Variants in SLC41A3 observed in about 807,000 individuals in gnomAD.
The protein encoded by SLC41A3 is solute carrier family 41 member 3, also known as SLC41A1-like 2.
In SLC41A3, 44 loss-of-function variants were observed where a neutral mutation model predicts 45.4. The ratio of observed to expected loss-of-function variants is 0.97; its 90% CI spans 0.76 to 1.25. SLC41A3 has a LOEUF of 1.25. SLC41A3 is among the 50% of genes most tolerant of loss of function. The pLI is 0.00. For missense variants in SLC41A3, 550 were observed against 600.6 expected, an observed-to-expected ratio of 0.92 and a Z score of 0.88; for synonymous variants, 256 against 252.4, an observed-to-expected ratio of 1.01 and a Z score of -0.13.
chr3:126,028,620 G>A (rs1056550059), intron 4 of SLC41A3, among the ~76,000 whole-genome samples: 9 of 152,376 alleles, frequency 5.9e-5, no homozygotes, highest in African/African-American at 2.2e-4. Context: ...TTCCCACTGG[G>A]GCACTGCCTA....
intron 2 of SLC41A3, among the ~76,000 whole-genome samples, chr3:126,055,605 G>A (rs1012906738): frequency 1.7e-4 from 26 of 152,190 alleles, no homozygotes; most frequent in African/African-American, 5.1e-4. Flanking sequence ...CCACAGCAGC[G>A]GTGATAGAGA....
In SLC41A3 at chr3:126,067,113, G is replaced by A. The variant is rs942065946; in HGVS notation, c.273+834C>T. 2.8e-3 allele frequency among the ~76,000 whole-genome samples: 59 copies of A among 20,726 alleles called. 1 individual carries two copies. In the Middle Eastern group the frequency reaches 0.17, roughly 59 times the overall value. The allele number at this position is 20,726 out of a possible 152,430, so 13.6% of individuals were successfully genotyped here. On this transcript the variant is annotated intron_variant, in intron 2 of 10. Coordinates refer to ENST00000360370, the MANE Select transcript of SLC41A3 (RefSeq NM_017836.4). ...GGACCGCCCCCCCGCCCCCCGCCCCGGCCACCGCACCACTAAGCAGATGAT... is the reference window on the plus strand; with the variant it reads ...GGACCGCCCCCCCGCCCCCCGCCCCAGCCACCGCACCACTAAGCAGATGAT...
chr3:126,049,914 CCT>C (rs1207814246), intron 3 of SLC41A3, among the ~76,000 whole-genome samples: 2 of 152,202 alleles, frequency 1.3e-5, no homozygotes, highest in African/African-American at 4.8e-5. Context: ...CATGGCCCTT[CCT>C]CTGTCGTCAA....
intron 2 of SLC41A3, among the ~76,000 whole-genome samples, chr3:126,052,928 G>T (rs147636994): frequency 6.6e-6 from 1 of 152,178 alleles, no homozygotes; most frequent in Non-Finnish European, 1.5e-5. Flanking sequence ...CCATGCTCCC[G>T]GGGCTTTCAG....
At chr3:126,056,720 C>T (rs755215271) in intron 2 of SLC41A3, 27 of 1,435,192 alleles carry the variant, frequency 1.9e-5, no homozygotes, top group East Asian at 5.0e-5. Context: ...AACAGCCCCT[C>T]GGCTGAGGGC....
chr3:126,071,929 C>T (rs901730628), intron 1 of SLC41A3, among the ~76,000 whole-genome samples: 16 of 151,904 alleles, frequency 1.1e-4, no homozygotes, highest in African/African-American at 3.4e-4. Flanking sequence ...TGCCACCATG[C>T]CCAGCTAAAT....
At chr3:126,085,585 AGTT>A (rs1945363169), upstream of SLC41A3, 1 of 152,064 alleles carries the variant, frequency 6.6e-6, no homozygotes, top group African/African-American at 2.4e-5. Flanking sequence ...TCTCCTAGGA[AGTT>A]GTTGTTTAAG....
Position 126,021,094 on chromosome 3 carries a change from C to T in SLC41A3, c.745+1692G>A, listed in dbSNP as rs552201721. Among the ~76,000 whole-genome samples, 4 of 152,302 alleles carry T rather than the reference C, an allele frequency of 2.6e-5. No individual in the cohort carries two copies. In the South Asian group the frequency reaches 8.3e-4, roughly 32 times the overall value. On this transcript the variant is annotated intron_variant, in intron 6 of 10. Transcript: ENST00000360370. ...TATTTTTAGTAGAGACAGGATTTCA[C>T]CGTGTTAGCCAGGATGGTCTTGATC...
upstream of SLC41A3, among the ~76,000 whole-genome samples, chr3:126,087,234 T>A (rs1297999123): frequency 6.6e-6 from 1 of 152,070 alleles, no homozygotes; most frequent in African/African-American, 2.4e-5. Context: ...CTGGAAAAAA[T>A]ACTCTTATAT....
At chr3:126,072,376 A>AAG (rs1944663697) in intron 1 of SLC41A3, among the ~76,000 whole-genome samples, 1 of 151,690 alleles carries the variant, frequency 6.6e-6, no homozygotes, top group African/African-American at 2.4e-5. Flanking sequence ...AAAAAATAAA[A>AAG]AAAAAAAAAG....
At chr3:126,027,121 G>T (rs1414720362) in intron 4 of SLC41A3, among the ~76,000 whole-genome samples, 3 of 152,178 alleles carry the variant, frequency 2.0e-5, no homozygotes, top group Non-Finnish European at 2.9e-5. Context: ...AGGGGGAGAA[G>T]AGTGATATGG....
intron 3 of SLC41A3, among the ~76,000 whole-genome samples, chr3:126,041,417 A>G (rs979616402): frequency 2.0e-5 from 3 of 152,248 alleles, no homozygotes; most frequent in African/African-American, 7.2e-5. Flanking sequence ...GTGAAATTCC[A>G]TAACACAGAT....
At chr3:126,017,786 C>T (rs1290226132) in intron 6 of SLC41A3, among the ~76,000 whole-genome samples, 2 of 152,186 alleles carry the variant, frequency 1.3e-5, no homozygotes, top group Non-Finnish European at 2.9e-5. Context: ...CTCCTTCCTT[C>T]TCTGCACTAA....
At chr3:126,087,263 TTG>T (rs1945411895), upstream of SLC41A3, among the ~76,000 whole-genome samples, 1 of 152,098 alleles carries the variant, frequency 6.6e-6, no homozygotes, top group African/African-American at 2.4e-5. Context: ...AAGTTCATTA[TTG>T]AAGTAAACAC....
rs63385862 is a variant in SLC41A3, at chr3:126,079,211, AAC to A, written c.-28+4880_-28+4881del. On this transcript the variant is annotated intron_variant, in intron 1 of 10. Coordinates refer to ENST00000360370, the MANE Select transcript of SLC41A3 (RefSeq NM_017836.4). Reference sequence around the variant, plus strand: ...GATTTAAACTCCTTAAGGTAAGGGAAACACACACACACACACACACACACACA... The same window carrying A: ...GATTTAAACTCCTTAAGGTAAGGGAAACACACACACACACACACACACACA... Among the ~76,000 whole-genome samples the A allele has an allele frequency of 5.5e-3, 300 of 54,810 alleles. 7 individuals are homozygous for A. In the East Asian group the frequency reaches 0.097, roughly 18 times the overall value. The allele number at this position is 54,810 out of a possible 152,430, so 36.0% of individuals were successfully genotyped here.
chr3:126,090,055 G>A (rs1377859798), intron 1 of SLC41A3, among the ~76,000 whole-genome samples: 1 of 58,506 alleles, frequency 1.7e-5, no homozygotes, highest in African/African-American at 7.6e-5. Flanking sequence ...TTTTTTTTTA[G>A]TTATTTGAGT....
upstream of SLC41A3, among the ~76,000 whole-genome samples, chr3:126,086,300 CTCT>C (rs1945386629): frequency 3.3e-5 from 5 of 151,240 alleles, no homozygotes; most frequent in Admixed American, 3.3e-4. Flanking sequence ...TTCCTAAGTT[CTCT>C]TCTTCTCTAT....
Position 126,006,683 on chromosome 3 carries a change from C to A in SLC41A3, c.*333G>T. ...TGGGCATGGAAAAGAGCAAACACAC[C>A]CTGCAAAGCATACTGGACATGCCTC... On this transcript the variant is annotated 3_prime_UTR_variant, in exon 11 of 11. Transcript: ENST00000360370. 6.8e-7 allele frequency: 1 copy of A among 1,470,218 alleles called. No individual in the cohort carries two copies. The allele number at this position is 1,470,218 out of a possible 1,614,324, so 91.1% of individuals were successfully genotyped here.
upstream of SLC41A3, among the ~76,000 whole-genome samples, chr3:126,084,709 G>C (rs567810256): frequency 1.1e-4 from 16 of 152,186 alleles, no homozygotes; most frequent in African/African-American, 3.6e-4. Flanking sequence ...TCCCAGTCCG[G>C]GCCTGAGGGA....
Sources: allele counts gnomAD v4.1 joint callset (sites outside exome capture counted in the v4.1 genomes callset), GRCh38; gene constraint gnomAD v4.1.1; transcripts MANE v1.5; gene names NCBI Gene and HGNC (gene_info 2026-07-23, HGNC 2026-07-21).